Variants in STAT4 observed in about 807,000 individuals in gnomAD.
STAT4 encodes signal transducer and activator of transcription 4.
Under a neutral mutation model 110.5 loss-of-function variants are expected in STAT4, and 42 were observed. The observed-to-expected ratio is 0.38, with a 90% confidence interval of 0.30 to 0.49. STAT4 has a LOEUF of 0.49. Ranked by LOEUF, STAT4 falls within the 20% of genes least tolerant of loss-of-function variation. The pLI is 0.95. For synonymous variants in STAT4, 284 were observed against 302.2 expected, an observed-to-expected ratio of 0.94 and a Z score of 0.63; for missense variants, 632 against 887.9, an observed-to-expected ratio of 0.71 and a Z score of 3.66.
At position 191,107,633 on chromosome 2, in the gene STAT4, T is replaced by A. The variant is rs1334538309; in HGVS notation, c.274-31308A>T. Among the ~76,000 whole-genome samples, 1 of 152,230 alleles carries A rather than the reference T, an allele frequency of 6.6e-6. No homozygotes were observed. The highest frequency in any genetic ancestry group is 1.5e-5 in the Non-Finnish European group (1 of 68,036). On this transcript the variant is annotated intron_variant, in intron 3 of 23. Coordinates refer to ENST00000392320, the MANE Select transcript of STAT4 (RefSeq NM_003151.4). The surrounding 1 kb of genome is among the most constrained non-coding windows in gnomAD (Gnocchi z 4.2). ...TAAACATTATGCTATTACCCTTAAA[T>A]TCTGTGTCCATCTTTTGGTTTTGAT...
intron 3 of STAT4, among the ~76,000 whole-genome samples, chr2:191,098,365 A>G (rs2125327757): frequency 6.6e-6 from 1 of 152,330 alleles, no homozygotes; most frequent in Non-Finnish European, 1.5e-5. Context: ...AACCAACCCA[A>G]ATGTCCATCA....
rs1188198666 is a variant in STAT4, at chr2:191,110,271, T to C, written c.274-33946A>G. On this transcript the variant is annotated intron_variant, in intron 3 of 23. Coordinates refer to ENST00000392320, the MANE Select transcript of STAT4 (RefSeq NM_003151.4). The surrounding 1 kb of genome is among the most constrained non-coding windows in gnomAD (Gnocchi z 4.5). ...TTCAACAATATTCAGGTTTCAGCTA[T>C]GTGTCTGGCTCTGTGATCGGTGTTG... Among the ~76,000 whole-genome samples the C allele has an allele frequency of 1.3e-5, 2 of 152,210 alleles. No individual in the cohort carries two copies. The highest frequency in any genetic ancestry group is 2.9e-5 in the Non-Finnish European group (2 of 68,036).
intron 1 of STAT4, among the ~76,000 whole-genome samples, chr2:191,149,468 C>A (rs1430854806): frequency 6.6e-6 from 1 of 152,140 alleles, no homozygotes; most frequent in Admixed American, 6.5e-5. Context: ...CAATTCTAGG[C>A]ATATTGTAAA....
At chr2:191,036,037 A>G (rs1319384458) in intron 17 of STAT4, 127 bp downstream of exon 17, 3 of 1,163,554 alleles carry the variant, frequency 2.6e-6, no homozygotes, top group East Asian at 2.6e-5. Flanking sequence ...GTGCCTGGCA[A>G]TATAGTAGGC....
chr2:191,146,794 A>T lies in STAT4; in HGVS notation c.129-37T>A. Reference sequence around the variant, plus strand: ...AAGGATTATTACACAACAGAAAACAACTTTGTAAAATGTCTACTTTTTTAC... The same window carrying T: ...AAGGATTATTACACAACAGAAAACATCTTTGTAAAATGTCTACTTTTTTAC... On this transcript the variant is annotated intron_variant, in intron 2 of 23. Coordinates refer to ENST00000392320, the MANE Select transcript of STAT4 (RefSeq NM_003151.4). The surrounding 1 kb of genome is among the most constrained non-coding windows in gnomAD (Gnocchi z 4.5). 1 of 1,453,066 alleles carries T rather than the reference A, an allele frequency of 6.9e-7. No individual in the cohort carries two copies. Among genetic ancestry groups the T allele is most frequent in the Non-Finnish European group, 9.1e-7 (1 of 1,098,396 alleles). 90.0% of individuals were successfully genotyped at this position (1,453,066 alleles called of 1,614,324 possible).
Position 191,055,906 on chromosome 2 carries a change from A to T in STAT4, c.1207-1372T>A, listed in dbSNP as rs115738837. Among the ~76,000 whole-genome samples the T allele has an allele frequency of 5.6e-3, 847 of 152,306 alleles. 9 individuals carry two copies. Among genetic ancestry groups the T allele is most frequent in the African/African-American group, 0.019 (804 of 41,546 alleles). On this transcript the variant is annotated intron_variant, in intron 13 of 23. Transcript: ENST00000392320. ...CTCTTCCTACTTTACTTATTACTAA[A>T]CATGGCCCCTTGTTGAAAGTTCCTG...
chr2:191,148,370 G>T (rs965496641), intron 1 of STAT4, among the ~76,000 whole-genome samples, 166 bp from the exon 2 acceptor site: 30 of 151,852 alleles, frequency 2.0e-4, no homozygotes, highest in Admixed American at 3.3e-4. Flanking sequence ...CTAATGAAGG[G>T]AGCAGCCTTC....
upstream of STAT4, chr2:191,151,168 C>G (rs1699582348): frequency 1.0e-6 from 1 of 985,446 alleles, no homozygotes; most frequent in Admixed American, 6.1e-5. The surrounding 1 kb of genome is among the most constrained non-coding windows in gnomAD (Gnocchi z 4.7). Context: ...GCAGAAACTG[C>G]CAGGCTGGAG....
intron 3 of STAT4, among the ~76,000 whole-genome samples, chr2:191,079,235 T>TCACACACACACA (rs147894714): frequency 1.3e-5 from 2 of 151,072 alleles, no homozygotes; most frequent in Non-Finnish European, 3.0e-5. Flanking sequence ...ACTTGTCAAG[T>TCACACACACACA]CACGCACACA....
rs1262720048 is a variant in STAT4 at position 191,065,042 on chromosome 2, A to G, written c.631-84T>C. 5 of 1,366,118 alleles carry G rather than the reference A, an allele frequency of 3.7e-6. No individual in the cohort carries two copies. In the East Asian group the frequency reaches 1.1e-4, roughly 30 times the overall value. 84.6% of individuals were successfully genotyped at this position (1,366,118 alleles called of 1,614,324 possible). ...AATTTACAAAACTATTTGACCTGGT[A>G]GACAAAGGCTTGGTTAAAATTTTGA... On this transcript the variant is annotated intron_variant, in intron 7 of 23. Transcript: ENST00000392320.
chr2:191,057,387 C>G (rs879670790), intron 13 of STAT4, among the ~76,000 whole-genome samples: 2 of 152,102 alleles, frequency 1.3e-5, no homozygotes, highest in Non-Finnish European at 2.9e-5. Context: ...TTGTGTAACA[C>G]CTCTCCATTT....
At chr2:191,133,825 T>C (rs1251252134) in intron 3 of STAT4, among the ~76,000 whole-genome samples, 3 of 151,856 alleles carry the variant, frequency 2.0e-5, no homozygotes, top group Non-Finnish European at 4.4e-5. Flanking sequence ...CTACACAAAA[T>C]CGCATATGAA....
chr2:191,063,749 T>G (rs1262230747), intron 8 of STAT4, among the ~76,000 whole-genome samples: 1 of 152,204 alleles, frequency 6.6e-6, no homozygotes, highest in Non-Finnish European at 1.5e-5. Flanking sequence ...TTGCTCCCTT[T>G]ATTATTGTTT....
In STAT4 at chr2:191,029,966, C is replaced by A. The variant is rs1050032158; in HGVS notation, c.2221-100G>T. On this transcript the variant is annotated intron_variant, in intron 23 of 23. Coordinates refer to ENST00000392320, the MANE Select transcript of STAT4 (RefSeq NM_003151.4). This position sits in a 1 kb window ranked among gnomAD's most constrained non-coding sequence, Gnocchi z 4.5. ...AACGTCCTCTTTTCTACGAATTACTCCATAATTTTTCTATTACCTAGTTAA... is the reference window on the plus strand; with the variant it reads ...AACGTCCTCTTTTCTACGAATTACTACATAATTTTTCTATTACCTAGTTAA... 11 of 942,788 alleles carry A rather than the reference C, an allele frequency of 1.2e-5. No homozygotes were observed. The highest frequency in any genetic ancestry group is 1.8e-5 in the Non-Finnish European group (11 of 619,382). The allele number at this position is 942,788 out of a possible 1,614,324, so 58.4% of individuals were successfully genotyped here. A position where few individuals can be genotyped will look rare whatever the true frequency, so the allele number is the denominator to read the frequency against.
intron 3 of STAT4, among the ~76,000 whole-genome samples, chr2:191,078,732 G>C (rs1040365879): frequency 2.0e-5 from 3 of 152,102 alleles, no homozygotes; most frequent in African/African-American, 7.2e-5. Flanking sequence ...TAGTGTATCA[G>C]TTTCTCATGC....
At position 191,140,920 on chromosome 2, in the gene STAT4, A is replaced by G. The variant is rs907834837; in HGVS notation, c.273+5693T>C. Among the ~76,000 whole-genome samples, 1 of 152,222 alleles carries G rather than the reference A, an allele frequency of 6.6e-6. No individual in the cohort carries two copies. Among genetic ancestry groups the G allele is most frequent in the African/African-American group, 2.4e-5 (1 of 41,454 alleles). ...TACTACTCAGCCATAAAAAGGAATG[A>G]AATAATGTCTTTTGCAGCAACCTGG... On this transcript the variant is annotated intron_variant, in intron 3 of 23. Transcript: ENST00000392320. The surrounding 1 kb of genome is among the most constrained non-coding windows in gnomAD (Gnocchi z 4.4).
rs1696975539 is a variant in STAT4 at position 191,066,006 on chromosome 2, G to A, written c.630+424C>T. On this transcript the variant is annotated intron_variant, in intron 7 of 23. Transcript: ENST00000392320. This position sits in a 1 kb window ranked among gnomAD's most constrained non-coding sequence, Gnocchi z 4.3. ...AATCTAGGAAATTGCTTAACACTAC[G>A]TCATTTCTCAGAGTAGAAACTAGAA... Among the ~76,000 whole-genome samples the A allele has an allele frequency of 6.6e-6, 1 of 152,036 alleles. No homozygotes were observed. Among genetic ancestry groups the A allele is most frequent in the African/African-American group, 2.4e-5 (1 of 41,388 alleles).
Position 191,030,866 on chromosome 2 carries a change from G to T in STAT4, c.2220+106C>A. ...TGCTCATGAATTTGTTCCAATAAATGTGTTTTCTCCCTACCCAGGCAGTAT... is the reference window on the plus strand; with the variant it reads ...TGCTCATGAATTTGTTCCAATAAATTTGTTTTCTCCCTACCCAGGCAGTAT... On this transcript the variant is annotated intron_variant, in intron 23 of 23. Transcript: ENST00000392320. The surrounding 1 kb of genome is among the most constrained non-coding windows in gnomAD (Gnocchi z 4.4). 1.0e-6 allele frequency: 1 copy of T among 980,174 alleles called. No homozygotes were observed. Among genetic ancestry groups the T allele is most frequent in the Non-Finnish European group, 1.6e-6 (1 of 627,452 alleles). 60.7% of individuals were successfully genotyped at this position (980,174 alleles called of 1,614,324 possible).
chr2:191,064,789 G>C lies in STAT4; in HGVS notation c.782+18C>G. The C allele has an allele frequency of 6.2e-7, 1 of 1,603,860 alleles. No individual in the cohort carries two copies. Among genetic ancestry groups the C allele is most frequent in the Non-Finnish European group, 8.5e-7 (1 of 1,175,862 alleles). On this transcript the variant is annotated intron_variant, in intron 8 of 23. Transcript: ENST00000392320. ...TTTCCTGTGGTTTTCACTAGAAACTGCAGTCGATTCGTTTTACCAGTTCTG... is the reference window on the plus strand; with the variant it reads ...TTTCCTGTGGTTTTCACTAGAAACTCCAGTCGATTCGTTTTACCAGTTCTG...
Sources: gnomAD v4.1 joint callset for allele counts (sites outside exome capture counted in the v4.1 genomes callset) on GRCh38, gnomAD v4.1.1 for gene constraint, Gnocchi (gnomAD v3.1) non-coding constraint, MANE v1.5 for transcripts, NCBI Gene and HGNC (gene_info 2026-07-23, HGNC 2026-07-21) for gene names.